IDH3A: variants seen among roughly 807,000 people sequenced by gnomAD.
IDH3A encodes isocitrate dehydrogenase (NAD(+)) 3 catalytic subunit alpha, also known as isocitrate dehydrogenase [NAD] subunit alpha, mitochondrial.
In IDH3A, 23 loss-of-function variants were observed where a neutral mutation model predicts 43.3. The ratio of observed to expected loss-of-function variants is 0.53; its 90% CI spans 0.38 to 0.75. IDH3A has a LOEUF of 0.75. Among genes scored for constraint, IDH3A ranks in the 30% least tolerant of loss-of-function variants. The pLI is 0.00. For synonymous variants in IDH3A, 154 were observed against 163.5 expected (o/e 0.94, Z 0.44); for missense variants, 329 against 474.4 (o/e 0.69, Z 2.85).
Position 78,166,133 on chromosome 15 carries a change from CT to C in IDH3A, c.865-13del. The C allele has an allele frequency of 6.2e-7, 1 of 1,611,578 alleles. No homozygotes were observed. Among genetic ancestry groups the C allele is most frequent in the Non-Finnish European group, 8.5e-7 (1 of 1,177,802 alleles). On this transcript the variant is annotated splice_polypyrimidine_tract_variant and intron_variant, in intron 9 of 10. Transcript: ENST00000299518. Reference sequence around the variant, plus strand: ...TTTTGTCTCTCCCTTGATGATGCTACTTTTCCCGATGTGTAGGTTCATGGGA... The same window carrying C: ...TTTTGTCTCTCCCTTGATGATGCTACTTTCCCGATGTGTAGGTTCATGGGA...
At chr15:78,152,049 ATTTTTTTTTT>A (rs574440056) in intron 1 of IDH3A, among the ~76,000 whole-genome samples, 13 of 65,776 alleles carry the variant, frequency 2.0e-4, no homozygotes, top group African/African-American at 2.7e-4. Context: ...ACTCATGTCA[ATTTTTTTTTT>A]TTTTTTTTTT....
rs903196755 is a variant in IDH3A at position 78,161,442 on chromosome 15, T to G, written c.290-139T>G. The G allele has an allele frequency of 6.2e-6, 4 of 642,018 alleles. No homozygotes were observed. The African/African-American group carries it at 7.3e-5, about 12-fold the overall frequency. The allele number at this position is 642,018 out of a possible 1,614,324, so 39.8% of individuals were successfully genotyped here. A position where few individuals can be genotyped will look rare whatever the true frequency, so the allele number is the denominator to read the frequency against. On this transcript the variant is annotated intron_variant, in intron 4 of 10. Coordinates refer to ENST00000299518, the MANE Select transcript of IDH3A (RefSeq NM_005530.3). The surrounding 1 kb of genome is among the most constrained non-coding windows in gnomAD (Gnocchi z 4.8). ...TCCAGAAAGCTCCCGTGAGGAAGTG[T>G]TCCTCCTTCATTTGAATCTCAGGTA...
chr15:78,150,744 T>C (rs1447116438), intron 1 of IDH3A: 1 of 152,132 alleles, frequency 6.6e-6, no homozygotes, highest in African/African-American at 2.4e-5. Flanking sequence ...TGTTTATCTG[T>C]CTCCAACAGA....
rs375751544 is a variant in IDH3A, at chr15:78,166,230, G to C, written c.945G>C (p.Leu315=). ...TALLLSAVMM[L]RHMGLFDHAA... is the part of the protein sequence containing the mutation. ...TCCTGCTCAGTGCCGTGATGATGCT[G>C]CGCCACATGGGACTTTTTGACCATG... Residue 315 remains leucine (L), a synonymous_variant, in exon 10 of 11, where the codon CTG becomes CTC. Coordinates refer to ENST00000299518, the MANE Select transcript of IDH3A (RefSeq NM_005530.3). 12 of 1,614,050 alleles carry C rather than the reference G, an allele frequency of 7.4e-6. No homozygotes were observed. In the African/African-American group the frequency reaches 1.3e-4, roughly 18 times the overall value.
At position 78,149,372 on chromosome 15, in the gene IDH3A, C is replaced by G; in HGVS notation, c.-32C>G. On this transcript the variant is annotated 5_prime_UTR_variant, in exon 1 of 11. Transcript: ENST00000299518. Reference sequence around the variant, plus strand: ...GGTGGGCGCTTGCGCACTGCCGCTGCGGCTGTTGCTGCGGAGCCAGGAGGG... The same window carrying G: ...GGTGGGCGCTTGCGCACTGCCGCTGGGGCTGTTGCTGCGGAGCCAGGAGGG... 3 of 1,526,262 alleles carry G rather than the reference C, an allele frequency of 2.0e-6. No individual in the cohort carries two copies. The highest frequency in any genetic ancestry group is 2.6e-6 in the Non-Finnish European group (3 of 1,143,594). 94.5% of individuals were successfully genotyped at this position (1,526,262 alleles called of 1,614,324 possible).
At chr15:78,165,508 T>G (rs2074729636) in intron 9 of IDH3A, among the ~76,000 whole-genome samples, 1 of 152,100 alleles carries the variant, frequency 6.6e-6, no homozygotes, top group South Asian at 2.1e-4. Context: ...TGTTTTTATA[T>G]ACACCCATAT....
intron 3 of IDH3A, among the ~76,000 whole-genome samples, chr15:78,158,463 A>ATT (rs67298643): frequency 7.3e-4 from 49 of 67,380 alleles, no homozygotes; most frequent in Non-Finnish European, 1.2e-3. Context: ...ATATATATAT[A>ATT]TTTTTTTTTT....
At chr15:78,165,166 G>A in intron 9 of IDH3A, 90 bp downstream of exon 9, 1 of 772,540 alleles carries the variant, frequency 1.3e-6, no homozygotes, top group Non-Finnish European at 2.2e-6. Flanking sequence ...TTTAACTCCA[G>A]TTTTTCAAAT....
chr15:78,159,747 T>C (rs2074661782), intron 3 of IDH3A, among the ~76,000 whole-genome samples: 1 of 152,096 alleles, frequency 6.6e-6, no homozygotes, highest in South Asian at 2.1e-4. Context: ...TCCCAGCACT[T>C]TGGGAGGCCG....
Position 78,160,123 on chromosome 15 carries a change from C to A in IDH3A, c.206C>A (p.Thr69Asn). The change falls in exon 4 of 11, where the codon ACT (threonine) becomes AAT (asparagine). Residue 69 changes from threonine (T) to asparagine (N), a missense_variant. By Grantham distance (65) the Thr-to-Asn change is moderately conservative. Around this residue, in one of 3 missense-constraint regions of IDH3A, gnomAD observed 212 missense variants for 345.5 expected, o/e 0.61. Transcript: ENST00000299518. ...ATTCAGTGGGAGGAGCGGAACGTCACTGCCATTCAAGGACCTGGAGGAAAG... is the reference window on the plus strand; with the variant it reads ...ATTCAGTGGGAGGAGCGGAACGTCAATGCCATTCAAGGACCTGGAGGAAAG... Reference protein sequence around the residue: ...APIQWEERNVTAIQGPGGKWM... With the variant: ...APIQWEERNVNAIQGPGGKWM... 6.2e-7 allele frequency: 1 copy of A among 1,612,968 alleles called. No homozygotes were observed. Among genetic ancestry groups the A allele is most frequent in the Non-Finnish European group, 8.5e-7 (1 of 1,178,914 alleles).
In IDH3A at chr15:78,161,787, C is replaced by CT; in HGVS notation, c.477+25dup. On this transcript the variant is annotated intron_variant, in intron 5 of 10. Coordinates refer to ENST00000299518, the MANE Select transcript of IDH3A (RefSeq NM_005530.3). The surrounding 1 kb of genome is among the most constrained non-coding windows in gnomAD (Gnocchi z 4.8). ...GCATGTGGTATGTTCACTCCAGATT[C>CT]TTTTTTATTCCTGCTTGGACTGCTT... is the stretch of plus-strand genomic sequence containing the variant. The CT allele has an allele frequency of 6.2e-7, 1 of 1,603,616 alleles. No individual in the cohort carries two copies. Among genetic ancestry groups the CT allele is most frequent in the Middle Eastern group, 1.7e-4 (1 of 6,044 alleles).
intron 4 of IDH3A, among the ~76,000 whole-genome samples, chr15:78,160,566 ACTGCAGCCTTGACCTC>A (rs1237583353): frequency 6.6e-6 from 1 of 151,912 alleles, no homozygotes; most frequent in African/African-American, 2.4e-5. Flanking sequence ...ATCACAGCTC[ACTGCAGCCTTGACCTC>A]CTGAGCTCAA....
At position 78,171,479 on chromosome 15, in the gene IDH3A, T is replaced by C. The variant is rs775401161; in HGVS notation, c.*2474T>C. 1 of 1,614,184 alleles carries C rather than the reference T, an allele frequency of 6.2e-7. No individual in the cohort carries two copies. Among genetic ancestry groups the C allele is most frequent in the Non-Finnish European group, 8.5e-7 (1 of 1,180,004 alleles). On this transcript the variant is annotated 3_prime_UTR_variant, in exon 11 of 11. Coordinates refer to ENST00000299518, the MANE Select transcript of IDH3A (RefSeq NM_005530.3). Reference sequence around the variant, plus strand: ...TGCTCTTGGTAAAAGGAGTCAATGATACCTTTGTACTTCTCCAAAACTGTG... The same window carrying C: ...TGCTCTTGGTAAAAGGAGTCAATGACACCTTTGTACTTCTCCAAAACTGTG...
intron 1 of IDH3A, among the ~76,000 whole-genome samples, chr15:78,153,054 G>C (rs1013007809): frequency 5.3e-5 from 8 of 152,018 alleles, no homozygotes; most frequent in Non-Finnish European, 1.2e-4. Flanking sequence ...TATGCAGGTA[G>C]GATGGGTTTA....
chr15:78,157,728 T>G (rs1258871199), intron 3 of IDH3A, 97 bp downstream of exon 3: 3 of 756,994 alleles, frequency 4.0e-6, no homozygotes, highest in Non-Finnish European at 4.4e-6. Context: ...TGTACCCATT[T>G]CTATGAAATT....
intron 10 of IDH3A, among the ~76,000 whole-genome samples, chr15:78,167,007 A>G (rs1332808991): frequency 6.6e-6 from 1 of 152,226 alleles, no homozygotes; most frequent in Non-Finnish European, 1.5e-5. Flanking sequence ...TAAGGTGTGA[A>G]GAGTAAAATG....
intron 3 of IDH3A, among the ~76,000 whole-genome samples, chr15:78,158,710 C>G (rs2074651185): frequency 6.6e-6 from 1 of 151,140 alleles, no homozygotes; most frequent in Non-Finnish European, 1.5e-5. Context: ...CTCCTGACCT[C>G]AGGTGATCTG....
rs910350262 is a variant in IDH3A at position 78,171,058 on chromosome 15, A to G, written c.*2053A>G. On this transcript the variant is annotated 3_prime_UTR_variant, in exon 11 of 11. Transcript: ENST00000299518. ...GATTGCTTTTCCTGCAGCGCACGTGAGCAGTATCAGCCATCTCTCTCCTAC... is the reference window on the plus strand; with the variant it reads ...GATTGCTTTTCCTGCAGCGCACGTGGGCAGTATCAGCCATCTCTCTCCTAC... The G allele has an allele frequency of 6.3e-6, 1 of 159,962 alleles. No homozygotes were observed. The highest frequency in any genetic ancestry group is 2.4e-5 in the African/African-American group (1 of 41,600). The allele number at this position is 159,962 out of a possible 1,614,324, so 9.9% of individuals were successfully genotyped here. A position where few individuals can be genotyped will look rare whatever the true frequency, so the allele number is the denominator to read the frequency against.
intron 9 of IDH3A, among the ~76,000 whole-genome samples, chr15:78,165,872 A>G (rs1396069920): frequency 6.6e-6 from 1 of 152,002 alleles, no homozygotes; most frequent in African/African-American, 2.4e-5. Flanking sequence ...ATTTTTTTGT[A>G]GAAATGGGGT....
Sources: gnomAD v4.1 joint callset for allele counts (sites outside exome capture counted in the v4.1 genomes callset) on GRCh38, gnomAD v4.1.1 for gene constraint, gnomAD v4.1.1 regional missense constraint, Gnocchi (gnomAD v3.1) non-coding constraint, MANE v1.5 for transcripts, NCBI Gene and HGNC (gene_info 2026-07-23, HGNC 2026-07-21) for gene names.